The following HSF2BP variants were observed in gnomAD, a reference collection of about 807,000 sequenced individuals.
HSF2BP encodes heat shock factor 2-binding protein.
A neutral mutation model predicts 35.0 loss-of-function variants in HSF2BP; 35 were observed. The observed-to-expected ratio is 1.00, with a 90% CI of 0.76 to 1.32. HSF2BP has a LOEUF of 1.32. HSF2BP is among the 40% of genes most tolerant of loss of function. HSF2BP has a pLI of 0.00. For synonymous variants in HSF2BP, 114 were observed against 117.4 expected (o/e 0.97, Z 0.18); for missense variants, 326 against 321.7 (o/e 1.01, Z -0.10).
At chr21:43,576,707 A>C (rs1299276319) in intron 8 of HSF2BP, among the ~76,000 whole-genome samples, 2 of 152,226 alleles carry the variant, frequency 1.3e-5, no homozygotes, top group Non-Finnish European at 2.9e-5. Flanking sequence ...AAATTTGTCT[A>C]AAGGTCTTAA....
chr21:43,595,535 G>A (rs545536983), intron 7 of HSF2BP, among the ~76,000 whole-genome samples: 1 of 151,866 alleles, frequency 6.6e-6, no homozygotes, highest in Non-Finnish European at 1.5e-5. Flanking sequence ...GCACGCCCCT[G>A]TGGTCCCAGC....
intron 8 of HSF2BP, among the ~76,000 whole-genome samples, chr21:43,581,664 A>C (rs1337386909): frequency 2.0e-5 from 3 of 152,320 alleles, no homozygotes; most frequent in South Asian, 4.1e-4. Flanking sequence ...GGCAAAAAAA[A>C]CACTGTTCTT....
chr21:43,459,762 A>G, the HSF2BP span, among the ~76,000 whole-genome samples: 1 of 22,724 alleles, frequency 4.4e-5, no homozygotes, highest in Non-Finnish European at 8.1e-5. Context: ...TGCAGGGGGC[A>G]AGGGCTTAAG....
At chr21:43,653,473 G>A (rs1357212511) in intron 3 of HSF2BP, among the ~76,000 whole-genome samples, 1 of 152,120 alleles carries the variant, frequency 6.6e-6, no homozygotes, top group Non-Finnish European at 1.5e-5. Flanking sequence ...GGAAGCATAG[G>A]GTACCATGAC....
chr21:43,595,776 GT>G (rs1254864295), intron 7 of HSF2BP, among the ~76,000 whole-genome samples: 1 of 102,334 alleles, frequency 9.8e-6, no homozygotes. Flanking sequence ...CAGAGTTAGA[GT>G]GCAGTGGCGC....
chr21:43,621,098 G>A (rs962064871), intron 6 of HSF2BP, among the ~76,000 whole-genome samples: 4 of 152,192 alleles, frequency 2.6e-5, no homozygotes, highest in African/African-American at 9.7e-5. Flanking sequence ...CAACTTAAAT[G>A]AGTGTACCCC....
intron 8 of HSF2BP, among the ~76,000 whole-genome samples, chr21:43,578,573 C>T (rs2081676571): frequency 6.6e-6 from 1 of 152,224 alleles, no homozygotes; most frequent in South Asian, 2.1e-4. Context: ...ATAGGTCCTT[C>T]TCCATGCTGC....
chr21:43,646,430 C>G (rs968881930), intron 3 of HSF2BP, among the ~76,000 whole-genome samples: 1 of 152,172 alleles, frequency 6.6e-6, no homozygotes, highest in Non-Finnish European at 1.5e-5. Flanking sequence ...CCTATGGTCA[C>G]AGACAAAAAT....
At chr21:43,635,012 A>G (rs2082532608) in intron 4 of HSF2BP, among the ~76,000 whole-genome samples, 1 of 152,170 alleles carries the variant, frequency 6.6e-6, no homozygotes, top group African/African-American at 2.4e-5. Context: ...TGCTCACTAC[A>G]GTCACATTTG....
At chr21:43,598,493 A>G (rs1031515955) in intron 7 of HSF2BP, among the ~76,000 whole-genome samples, 6 of 151,474 alleles carry the variant, frequency 4.0e-5, no homozygotes, top group Admixed American at 6.6e-5. Context: ...AAGTGCTGGC[A>G]TTACAGGCAT....
At chr21:43,605,201 G>C (rs1332886288) in intron 7 of HSF2BP, among the ~76,000 whole-genome samples, 1 of 134,214 alleles carries the variant, frequency 7.5e-6, no homozygotes, top group African/African-American at 2.9e-5. Flanking sequence ...TTGGCTGACA[G>C]AGCCCACACA....
intron 6 of HSF2BP, among the ~76,000 whole-genome samples, chr21:43,614,611 A>G (rs1370703278): frequency 6.6e-6 from 1 of 152,166 alleles, no homozygotes; most frequent in African/African-American, 2.4e-5. Context: ...TGAGGATGTG[A>G]AAATTCACTT....
chr21:43,467,367 C>T, the HSF2BP span: 4 of 51,536 alleles, frequency 7.8e-5, no homozygotes, highest in East Asian at 1.8e-3. Context: ...AGAGGGGTCC[C>T]GAGCTTTCCG....
intron 6 of HSF2BP, 149 bp downstream of exon 6, chr21:43,630,173 C>G (rs2146995820): frequency 1.8e-6 from 1 of 551,046 alleles, no homozygotes; most frequent in Non-Finnish European, 3.0e-6. Context: ...ATTGTACATA[C>G]AACAGACTAC....
chr21:43,639,229 G>A (rs1158454584), intron 4 of HSF2BP, among the ~76,000 whole-genome samples: 4 of 152,206 alleles, frequency 2.6e-5, no homozygotes, highest in Non-Finnish European at 5.9e-5. Flanking sequence ...AAATTGTGGT[G>A]ACCTAGAGCT....
At chr21:43,613,334 A>G (rs887712585) in intron 7 of HSF2BP, among the ~76,000 whole-genome samples, 2 of 152,200 alleles carry the variant, frequency 1.3e-5, no homozygotes, top group Non-Finnish European at 2.9e-5. Context: ...CAGCCACTTC[A>G]AAGTGCCCAG....
At chr21:43,610,561 G>A (rs2082191662) in intron 7 of HSF2BP, among the ~76,000 whole-genome samples, 2 of 151,946 alleles carry the variant, frequency 1.3e-5, no homozygotes, top group Non-Finnish European at 2.9e-5. Context: ...AGCCGTGATT[G>A]CACCACTGCA....
chr21:43,636,380 C>A (rs1196981910), intron 4 of HSF2BP, among the ~76,000 whole-genome samples: 1 of 151,892 alleles, frequency 6.6e-6, no homozygotes, highest in Non-Finnish European at 1.5e-5. Context: ...AAAATCATGA[C>A]CTATTAAAAA....
At chr21:43,638,256 G>A (rs1003419850) in intron 4 of HSF2BP, among the ~76,000 whole-genome samples, 2 of 152,018 alleles carry the variant, frequency 1.3e-5, no homozygotes, top group South Asian at 2.1e-4. Flanking sequence ...TCAGGAATTC[G>A]AGACCAGCCT....
Sources: gnomAD v4.1 joint callset for allele counts (sites outside exome capture counted in the v4.1 genomes callset) on GRCh38, gnomAD v4.1.1 for gene constraint, MANE v1.5 for transcripts, NCBI Gene and HGNC (gene_info 2026-07-23, HGNC 2026-07-21) for gene names.